GRM7: variants seen among roughly 807,000 people sequenced by gnomAD.
GRM7 encodes the protein glutamate metabotropic receptor 7.
GRM7 carries 35 observed loss-of-function variants against 84.5 expected under a neutral mutation model. That is an observed-to-expected ratio of 0.41 (90% CI 0.32 to 0.55). GRM7 has a LOEUF of 0.55. Ranked by LOEUF, GRM7 falls within the 20% of genes least tolerant of loss-of-function variation. The probability of loss-of-function intolerance (pLI) is 0.19; values close to 1 mark genes in which losing one functional copy is unlikely to be tolerated. For missense variants in GRM7, 1,003 were observed against 1,194.6 expected, an observed-to-expected ratio of 0.84 and a Z score of 2.36; for synonymous variants, 487 against 455.1, an observed-to-expected ratio of 1.07 and a Z score of -0.89.
intron 4 of GRM7, among the ~76,000 whole-genome samples, chr3:7,308,931 T>A (rs9849620): frequency 0.16 from 23,903 of 152,134 alleles, 5,521 homozygotes; most frequent in African/African-American, 0.51. Flanking sequence ...AATATACAAA[T>A]TTACAAAATC....
chr3:7,104,039 T>C (rs570244216), intron 1 of GRM7, among the ~76,000 whole-genome samples: 1 of 151,656 alleles, frequency 6.6e-6, no homozygotes, highest in South Asian at 2.1e-4. Context: ...TGAAGACATT[T>C]GGAGATGGTA....
chr3:7,224,287 G>A (rs1696908017), intron 2 of GRM7, among the ~76,000 whole-genome samples: 1 of 152,116 alleles, frequency 6.6e-6, no homozygotes, highest in African/African-American at 2.4e-5. Flanking sequence ...GAGAGGAGGC[G>A]AGGTGCTATA....
chr3:6,933,765 A>C (rs1697590746), intron 1 of GRM7, among the ~76,000 whole-genome samples: 1 of 136,910 alleles, frequency 7.3e-6, no homozygotes, highest in South Asian at 2.5e-4. Flanking sequence ...AAACATTGCC[A>C]GTTATTCTGA....
At chr3:7,057,243 T>C (rs1382624186) in intron 1 of GRM7, among the ~76,000 whole-genome samples, 2 of 151,934 alleles carry the variant, frequency 1.3e-5, no homozygotes, top group Admixed American at 6.6e-5. Flanking sequence ...TAAGGGAATG[T>C]TGGAGAAGTT....
At chr3:7,346,632 A>T (rs577667224) in intron 4 of GRM7, among the ~76,000 whole-genome samples, 1 of 151,150 alleles carries the variant, frequency 6.6e-6, no homozygotes, top group Non-Finnish European at 1.5e-5. Context: ...TCTGGAAATG[A>T]GTAATTATAA....
chr3:7,203,110 G>T (rs1038327572), intron 2 of GRM7, among the ~76,000 whole-genome samples: 1 of 152,068 alleles, frequency 6.6e-6, no homozygotes, highest in African/African-American at 2.4e-5. Context: ...AAATATCATT[G>T]CTAAGTATCA....
At position 7,399,841 on chromosome 3, in the gene GRM7, C is replaced by T. The variant is rs1404611874; in HGVS notation, c.1034-15182C>T. Among the ~76,000 whole-genome samples the T allele has an allele frequency of 4.7e-4, 71 of 152,254 alleles. 1 individual carries two copies. Among genetic ancestry groups the T allele is most frequent in the Non-Finnish European group, 1.3e-4 (9 of 68,012 alleles). On this transcript the variant is annotated intron_variant, in intron 4 of 9. Coordinates refer to ENST00000357716, the MANE Select transcript of GRM7 (RefSeq NM_000844.4). Reference sequence around the variant, plus strand: ...GAGTAGAAGCAGACTGAAGCCATCACCAGAAGCAAATGCTGTGAGCCGTGC... The same window carrying T: ...GAGTAGAAGCAGACTGAAGCCATCATCAGAAGCAAATGCTGTGAGCCGTGC...
intron 7 of GRM7, among the ~76,000 whole-genome samples, chr3:7,510,915 T>A (rs1700179714): frequency 6.6e-6 from 1 of 152,100 alleles, no homozygotes; most frequent in Admixed American, 6.6e-5. Context: ...AGAACGCACA[T>A]CAGAAAAGTC....
intron 1 of GRM7, among the ~76,000 whole-genome samples, chr3:6,872,225 A>C (rs182668740): frequency 2.6e-5 from 4 of 152,332 alleles, no homozygotes; most frequent in Admixed American, 6.5e-5. Flanking sequence ...ACATACTTAT[A>C]TGCTAATCAT....
chr3:7,022,405 C>T (rs959210771), intron 1 of GRM7, among the ~76,000 whole-genome samples: 6 of 135,766 alleles, frequency 4.4e-5, no homozygotes, highest in Non-Finnish European at 9.3e-5. Context: ...AATGATATCT[C>T]CATATAGTGC....
intron 2 of GRM7, among the ~76,000 whole-genome samples, chr3:7,212,157 A>G (rs145568809): frequency 6.7e-6 from 1 of 149,788 alleles, no homozygotes; most frequent in African/African-American, 2.5e-5. Flanking sequence ...AATGAGGCAT[A>G]GTTTTTCAAG....
intron 7 of GRM7, among the ~76,000 whole-genome samples, chr3:7,505,177 CTG>C (rs1700003701): frequency 6.6e-6 from 1 of 152,216 alleles, no homozygotes; most frequent in African/African-American, 2.4e-5. Context: ...ATTTTTCACT[CTG>C]TGTTGCCTCC....
chr3:7,351,874 A>C (rs2125092300), intron 4 of GRM7, among the ~76,000 whole-genome samples: 1 of 152,004 alleles, frequency 6.6e-6, no homozygotes, highest in East Asian at 1.9e-4. Context: ...TGAGGCTTTC[A>C]AACTTGGACT....
At chr3:7,694,119 A>C (rs1013317474) in intron 9 of GRM7, among the ~76,000 whole-genome samples, 2 of 152,160 alleles carry the variant, frequency 1.3e-5, no homozygotes, top group African/African-American at 4.8e-5. Flanking sequence ...CAAATAAGGG[A>C]TCAGTAGGTG....
intron 2 of GRM7, among the ~76,000 whole-genome samples, chr3:7,288,940 T>A (rs1057263892): frequency 6.6e-6 from 1 of 152,186 alleles, no homozygotes; most frequent in Non-Finnish European, 1.5e-5. Flanking sequence ...TGTTATCCTA[T>A]CATCCTCTAA....
intron 7 of GRM7, among the ~76,000 whole-genome samples, chr3:7,462,532 A>G (rs1231872849): frequency 6.6e-6 from 1 of 152,262 alleles, no homozygotes; most frequent in East Asian, 1.9e-4. Context: ...TTGTAAAGCA[A>G]CAAATTATGC....
intron 7 of GRM7, among the ~76,000 whole-genome samples, chr3:7,560,654 G>C (rs1693977624): frequency 6.6e-6 from 1 of 152,026 alleles, no homozygotes. Context: ...GAGAAGCACT[G>C]TTCTAATACC....
At chr3:7,550,575 C>CTG (rs1162246895) in intron 7 of GRM7, among the ~76,000 whole-genome samples, 93 of 40,638 alleles carry the variant, frequency 2.3e-3, no homozygotes, top group Non-Finnish European at 2.9e-3. Context: ...CTCTCTCTCT[C>CTG]TCTGTGTGTG....
At chr3:7,166,292 T>C (rs190890220) in intron 2 of GRM7, among the ~76,000 whole-genome samples, 1 of 152,332 alleles carries the variant, frequency 6.6e-6, no homozygotes, top group African/African-American at 2.4e-5. Context: ...ATCTTATACC[T>C]GTAACATTGT....
Sources: gnomAD v4.1 joint callset for allele counts (sites outside exome capture counted in the v4.1 genomes callset) on GRCh38, gnomAD v4.1.1 for gene constraint, MANE v1.5 for transcripts, NCBI Gene and HGNC (gene_info 2026-07-23, HGNC 2026-07-21) for gene names.